RBFOX1: variants seen among roughly 807,000 people sequenced by gnomAD.
RBFOX1 encodes the protein RNA binding protein fox-1 homolog 1.
Under a neutral mutation model 57.7 loss-of-function variants are expected in RBFOX1, and 8 were observed. The observed-to-expected ratio is 0.14, with a 90% CI of 0.08 to 0.25. RBFOX1 has a LOEUF of 0.25. Among genes scored for constraint, RBFOX1 ranks in the 10% least tolerant of loss-of-function variants. The pLI is 1.00. For missense variants in RBFOX1, 611 were observed against 548.5 expected, an observed-to-expected ratio of 1.11 and a Z score of -1.14; for synonymous variants, 326 against 222.4, an observed-to-expected ratio of 1.47 and a Z score of -4.15.
intron 4 of RBFOX1, among the ~76,000 whole-genome samples, chr16:7,376,145 G>C (rs1348251368): frequency 6.6e-6 from 1 of 152,126 alleles, no homozygotes; most frequent in South Asian, 2.1e-4. Context: ...TAGTAAGCAA[G>C]GGATGATTGC....
intron 1 of RBFOX1, among the ~76,000 whole-genome samples, chr16:6,111,780 A>G (rs2096449431): frequency 1.3e-5 from 2 of 152,214 alleles, no homozygotes; most frequent in Admixed American, 1.3e-4. Flanking sequence ...TAGTGGGGTC[A>G]GAAATTCAGA....
intron 3 of RBFOX1, among the ~76,000 whole-genome samples, chr16:5,743,993 G>A (rs1219667324): frequency 6.6e-6 from 1 of 152,142 alleles, no homozygotes; most frequent in African/African-American, 2.4e-5. Context: ...CCCTTCAAAG[G>A]ACCTATCTTA....
intron 4 of RBFOX1, among the ~76,000 whole-genome samples, chr16:7,121,247 C>T (rs1600122072): frequency 6.6e-6 from 1 of 151,948 alleles, no homozygotes; most frequent in Non-Finnish European, 1.5e-5. Flanking sequence ...CCACATAGTA[C>T]TGGAAATCTT....
At chr16:5,664,176 A>T (rs754332589) in intron 3 of RBFOX1, among the ~76,000 whole-genome samples, 15 of 152,162 alleles carry the variant, frequency 9.9e-5, no homozygotes, top group Non-Finnish European at 1.9e-4. Flanking sequence ...TTAAATAATC[A>T]CATCTTTAAG....
intron 5 of RBFOX1, among the ~76,000 whole-genome samples, chr16:7,552,917 A>G (rs1036753593): frequency 2.0e-5 from 3 of 152,062 alleles, no homozygotes; most frequent in African/African-American, 7.2e-5. Flanking sequence ...TGCCGACCTC[A>G]GGTGATCTGC....
At chr16:6,303,805 C>CTTTTT (rs1177185329) in intron 1 of RBFOX1, among the ~76,000 whole-genome samples, 249 of 70,354 alleles carry the variant, frequency 3.5e-3, no homozygotes, top group Non-Finnish European at 4.6e-3. Context: ...GAAACCCTGT[C>CTTTTT]TTTTTTTTTT....
At chr16:5,847,648 G>T (rs1173021894) in intron 3 of RBFOX1, among the ~76,000 whole-genome samples, 1 of 152,124 alleles carries the variant, frequency 6.6e-6, no homozygotes, top group Non-Finnish European at 1.5e-5. Context: ...GACTTTTAGT[G>T]AAGCTATATG....
At chr16:7,667,434 C>T (rs1045142624) in intron 13 of RBFOX1, among the ~76,000 whole-genome samples, 4 of 152,110 alleles carry the variant, frequency 2.6e-5, no homozygotes, top group Non-Finnish European at 5.9e-5. Context: ...AAGCCACTAC[C>T]CTACCTCCCT....
chr16:7,706,583 A>G (rs10083743), intron 14 of RBFOX1, among the ~76,000 whole-genome samples: 2,303 of 152,316 alleles, frequency 0.015, 64 homozygotes, highest in African/African-American at 0.048. Context: ...AATTTTTAAA[A>G]TAATATATCT....
At chr16:6,701,148 T>TGG (rs1311623962) in intron 3 of RBFOX1, among the ~76,000 whole-genome samples, 2 of 151,762 alleles carry the variant, frequency 1.3e-5, no homozygotes, top group African/African-American at 2.4e-5. Context: ...TGTGTGTGTG[T>TGG]GTGTGTGTGT....
intron 3 of RBFOX1, among the ~76,000 whole-genome samples, chr16:5,705,988 G>C (rs1298822291): frequency 1.3e-5 from 2 of 152,098 alleles, no homozygotes; most frequent in East Asian, 3.9e-4. Flanking sequence ...TCCATTCACT[G>C]CAACCTCTGC....
intron 2 of RBFOX1, among the ~76,000 whole-genome samples, chr16:6,635,357 A>C (rs997498087): frequency 6.6e-6 from 1 of 152,152 alleles, no homozygotes; most frequent in Non-Finnish European, 1.5e-5. Flanking sequence ...CTGTAAATAT[A>C]AGTACAAGTG....
chr16:7,300,046 C>G (rs1019802011), intron 4 of RBFOX1, among the ~76,000 whole-genome samples: 2 of 152,142 alleles, frequency 1.3e-5, no homozygotes, highest in African/African-American at 2.4e-5. Context: ...GAAGCTGAAA[C>G]TGCATTTTTT....
At chr16:5,368,939 C>T (rs913074124) in intron 1 of RBFOX1, among the ~76,000 whole-genome samples, 8 of 152,228 alleles carry the variant, frequency 5.3e-5, no homozygotes, top group Non-Finnish European at 1.5e-5. Context: ...TCTCACTATT[C>T]TAACTTTAGC....
chr16:6,967,354 C>A (rs1023192030), intron 3 of RBFOX1, among the ~76,000 whole-genome samples: 1 of 152,158 alleles, frequency 6.6e-6, no homozygotes, highest in African/African-American at 2.4e-5. Context: ...GGTTGGCTCT[C>A]ATGTTCCTTG....
Position 6,518,767 on chromosome 16 carries a change from C to T in RBFOX1, c.-63-135836C>T, listed in dbSNP as rs554368252. ...TCTGTCTGTCTGTCTATCCATCTAT[C>T]TATCCATCTGTCTGTCTGTCTGTGT... On this transcript the variant is annotated intron_variant, in intron 2 of 15. Transcript: ENST00000550418. 1.1e-3 allele frequency among the ~76,000 whole-genome samples: 172 copies of T among 151,640 alleles called. 2 individuals carry two copies. The South Asian group carries it at 0.032, about 28-fold the overall frequency.
intron 4 of RBFOX1, among the ~76,000 whole-genome samples, chr16:5,934,909 A>G (rs1164895233): frequency 6.6e-6 from 1 of 152,202 alleles, no homozygotes; most frequent in Non-Finnish European, 1.5e-5. Flanking sequence ...GCATTTATTC[A>G]GCACAGATTT....
intron 2 of RBFOX1, among the ~76,000 whole-genome samples, chr16:5,574,803 G>T (rs1444341321): frequency 6.6e-6 from 1 of 152,126 alleles, no homozygotes; most frequent in Non-Finnish European, 1.5e-5. Context: ...AGTGAACTCT[G>T]GAAAGGCATT....
chr16:6,535,089 A>T (rs953978083), intron 2 of RBFOX1, among the ~76,000 whole-genome samples: 2 of 152,156 alleles, frequency 1.3e-5, no homozygotes, highest in African/African-American at 4.8e-5. Context: ...CATGGTTGGG[A>T]TGAGATTCCA....
Sources: gnomAD v4.1 joint callset for allele counts (sites outside exome capture counted in the v4.1 genomes callset) on GRCh38, gnomAD v4.1.1 for gene constraint, MANE v1.5 for transcripts, NCBI Gene and HGNC (gene_info 2026-07-23, HGNC 2026-07-21) for gene names.